PTPDC1: variants seen among roughly 807,000 people sequenced by gnomAD.
PTPDC1 encodes protein tyrosine phosphatase domain-containing protein 1.
Under a neutral mutation model 75.3 loss-of-function variants are expected in PTPDC1, and 53 were observed. That is an observed-to-expected ratio of 0.70 (90% confidence interval 0.56 to 0.88). The LOEUF is 0.88. Among genes scored for constraint, PTPDC1 ranks in the 40% least tolerant of loss-of-function variants. The pLI is 0.00. For synonymous variants in PTPDC1, 349 were observed against 366.2 expected, an observed-to-expected ratio of 0.95 and a Z score of 0.54; for missense variants, 925 against 998.6, an observed-to-expected ratio of 0.93 and a Z score of 0.99.
intron 1 of PTPDC1, among the ~76,000 whole-genome samples, chr9:94,060,144 T>C (rs1296950910): frequency 6.6e-6 from 1 of 152,240 alleles, no homozygotes; most frequent in African/African-American, 2.4e-5. Context: ...GGAAGCTATA[T>C]ATCAGAAGTG....
intron 1 of PTPDC1, among the ~76,000 whole-genome samples, chr9:94,062,031 T>C (rs1483431550): frequency 1.3e-5 from 2 of 152,246 alleles, no homozygotes; most frequent in African/African-American, 2.4e-5. Flanking sequence ...CTTTTAAATA[T>C]AAGTTTTAGT....
At chr9:94,098,764 T>G in intron 6 of PTPDC1, 185 bp downstream of exon 6, 1 of 619,530 alleles carries the variant, frequency 1.6e-6, no homozygotes, top group South Asian at 2.0e-5. Context: ...ACAGGGTGTT[T>G]GTATGGTTTC....
rs956453715 is a variant in PTPDC1 at position 94,109,599 on chromosome 9, T to A, written c.*1655T>A. ...CAAAGATACACTATAAAAATAGAGT[T>A]TTTACCAAAAAAAGATGTTTGTTCT... On this transcript the variant is annotated 3_prime_UTR_variant, in exon 9 of 9. Transcript: ENST00000620992. The A allele has an allele frequency of 3.3e-5, 5 of 152,088 alleles. No homozygotes were observed. Among genetic ancestry groups the A allele is most frequent in the African/African-American group, 9.7e-5 (4 of 41,406 alleles). 9.4% of individuals were successfully genotyped at this position (152,088 alleles called of 1,614,324 possible). A position where few individuals can be genotyped will look rare whatever the true frequency, so the allele number is the denominator to read the frequency against.
intron 1 of PTPDC1, among the ~76,000 whole-genome samples, chr9:94,039,198 AAAG>A (rs1825357855): frequency 6.6e-6 from 1 of 152,202 alleles, no homozygotes; most frequent in African/African-American, 2.4e-5. Context: ...AAATAACTGA[AAAG>A]AAAACCACAG....
rs117701069 is a variant in PTPDC1, at chr9:94,033,696, A to C, written c.-7+2569A>C. Among the ~76,000 whole-genome samples, 917 of 152,104 alleles carry C rather than the reference A, an allele frequency of 6.0e-3. 20 individuals carry two copies. Among genetic ancestry groups the C allele is most frequent in the East Asian group, 0.038 (195 of 5,184 alleles). On this transcript the variant is annotated intron_variant, in intron 1 of 9. Transcript: ENST00000375360. ...TTAATATTAGTTTTTTTCCTCTCTCACTCTCTTTAGAGCAAATTTATGAGT... is the reference window on the plus strand; with the variant it reads ...TTAATATTAGTTTTTTTCCTCTCTCCCTCTCTTTAGAGCAAATTTATGAGT...
intron 1 of PTPDC1, among the ~76,000 whole-genome samples, chr9:94,040,790 C>G (rs1314302381): frequency 6.6e-6 from 1 of 152,134 alleles, no homozygotes; most frequent in Non-Finnish European, 1.5e-5. Context: ...AGATAATGTT[C>G]TGCAGCTAAT....
intron 6 of PTPDC1, among the ~76,000 whole-genome samples, chr9:94,099,637 A>G (rs982071498): frequency 7.9e-5 from 12 of 152,268 alleles, no homozygotes; most frequent in African/African-American, 2.9e-4. Flanking sequence ...GCTTTCTTCC[A>G]AAATGAATTG....
chr9:94,103,523 A>G (rs1277915467), intron 7 of PTPDC1, among the ~76,000 whole-genome samples: 1 of 152,114 alleles, frequency 6.6e-6, no homozygotes, highest in African/African-American at 2.4e-5. Context: ...TAGGGCATTT[A>G]TATTGCTTCA....
upstream of PTPDC1, among the ~76,000 whole-genome samples, chr9:94,080,600 C>T (rs918922802): frequency 5.3e-5 from 8 of 152,104 alleles, no homozygotes; most frequent in African/African-American, 7.2e-5. Flanking sequence ...CAAGGGCTTC[C>T]GAGTCTAATC....
intron 1 of PTPDC1, among the ~76,000 whole-genome samples, chr9:94,046,685 A>G (rs1445648147): frequency 6.6e-6 from 1 of 152,238 alleles, no homozygotes; most frequent in Non-Finnish European, 1.5e-5. Flanking sequence ...TGATTTTTAC[A>G]CATCGATTTT....
At chr9:94,050,990 G>T (rs570002567) in intron 1 of PTPDC1, among the ~76,000 whole-genome samples, 1 of 152,176 alleles carries the variant, frequency 6.6e-6, no homozygotes, top group South Asian at 2.1e-4. Context: ...GTGAGGCTCC[G>T]TGGGCATAGG....
intron 1 of PTPDC1, among the ~76,000 whole-genome samples, chr9:94,060,196 G>T (rs969915717): frequency 1.3e-5 from 2 of 152,218 alleles, no homozygotes; most frequent in Non-Finnish European, 2.9e-5. Context: ...GGAAGAAAGG[G>T]TGTATTGTTC....
intron 2 of PTPDC1, among the ~76,000 whole-genome samples, chr9:94,071,876 TTC>T (rs1826522595): frequency 6.6e-6 from 1 of 152,256 alleles, no homozygotes; most frequent in Non-Finnish European, 1.5e-5. Context: ...ATAATCACGT[TTC>T]TCTTTTTTTA....
At chr9:94,066,079 G>A (rs186879177) in intron 2 of PTPDC1, among the ~76,000 whole-genome samples, 3 of 152,216 alleles carry the variant, frequency 2.0e-5, no homozygotes, top group Admixed American at 2.0e-4. Flanking sequence ...AGAGCTCTGA[G>A]CACCTAAGAC....
At chr9:94,036,023 G>GTTTTTTTTTTTTTTTTTTTTTTTTTT (rs200873026) in intron 1 of PTPDC1, among the ~76,000 whole-genome samples, 1 of 85,580 alleles carries the variant, frequency 1.2e-5, no homozygotes, top group Non-Finnish European at 2.3e-5. Context: ...CGGATTATTT[G>GTTTTTTTTTTTTTTTTTTTTTTTTTT]TTTTTTTTTT....
chr9:94,085,808 G>C (rs146799418), intron 2 of PTPDC1, among the ~76,000 whole-genome samples: 5 of 152,068 alleles, frequency 3.3e-5, no homozygotes, highest in Admixed American at 2.0e-4. Flanking sequence ...GTAAGCTTTA[G>C]CTTTTATGTT....
At chr9:94,050,913 C>T (rs1055572726) in intron 1 of PTPDC1, among the ~76,000 whole-genome samples, 5 of 152,292 alleles carry the variant, frequency 3.3e-5, no homozygotes, top group East Asian at 3.9e-4. Flanking sequence ...TTGGCAATGG[C>T]GGGCGCCCCT....
At chr9:94,047,013 A>G (rs1283173471) in intron 1 of PTPDC1, among the ~76,000 whole-genome samples, 1 of 152,192 alleles carries the variant, frequency 6.6e-6, no homozygotes, top group Non-Finnish European at 1.5e-5. Flanking sequence ...ATTTTGAGAT[A>G]TGTCCTATCA....
At chr9:94,107,591 A>C (rs977430221) in intron 8 of PTPDC1, among the ~76,000 whole-genome samples, 8 of 152,244 alleles carry the variant, frequency 5.3e-5, no homozygotes, top group African/African-American at 1.9e-4. Context: ...GTATATAATT[A>C]GACTAAATAT....
Sources: gnomAD v4.1 joint callset for allele counts (sites outside exome capture counted in the v4.1 genomes callset) on GRCh38, gnomAD v4.1.1 for gene constraint, MANE v1.5 for transcripts, NCBI Gene and HGNC (gene_info 2026-07-23, HGNC 2026-07-21) for gene names.